FOXP1: variants seen among roughly 807,000 people sequenced by gnomAD.
FOXP1 encodes the protein forkhead box protein P1.
In FOXP1, 15 loss-of-function variants were observed where a neutral mutation model predicts 98.2. That is an observed-to-expected ratio of 0.15 (90% CI 0.10 to 0.24). The LOEUF is 0.24. Ranked by LOEUF, FOXP1 falls within the 10% of genes least tolerant of loss-of-function variation. The probability of loss-of-function intolerance (pLI) is 1.00; values close to 1 mark genes in which losing one functional copy is unlikely to be tolerated. For missense variants in FOXP1, 633 were observed against 848.5 expected, an observed-to-expected ratio of 0.75 and a Z score of 3.15; for synonymous variants, 371 against 314.5, an observed-to-expected ratio of 1.18 and a Z score of -1.90.
intron 6 of FOXP1, among the ~76,000 whole-genome samples, chr3:71,129,357 C>A (rs913425980): frequency 6.6e-6 from 1 of 152,214 alleles, no homozygotes; most frequent in Non-Finnish European, 1.5e-5. Flanking sequence ...CACACATGCA[C>A]ACACACATAC....
intron 2 of FOXP1, among the ~76,000 whole-genome samples, chr3:71,506,528 G>A (rs554120896): frequency 2.6e-5 from 4 of 152,274 alleles, no homozygotes; most frequent in African/African-American, 7.2e-5. Flanking sequence ...CAACTAAGGG[G>A]TTCCACGGTA....
At chr3:71,286,657 T>C (rs1319588512) in intron 5 of FOXP1, among the ~76,000 whole-genome samples, 1 of 151,998 alleles carries the variant, frequency 6.6e-6, no homozygotes, top group African/African-American at 2.4e-5. Flanking sequence ...GCAAATCAAG[T>C]TGGGGAAGTG....
chr3:71,035,015 G>C lies in FOXP1; in HGVS notation c.869+6313C>G, dbSNP rs141563643. ...GAGAAAAGTCCTGTTCTTTCCAAGT[G>C]TCAAAACCTCAGTGATAAACACACA... On this transcript the variant is annotated intron_variant, in intron 11 of 20. Transcript: ENST00000649528. Among the ~76,000 whole-genome samples the C allele has an allele frequency of 3.3e-5, 5 of 152,292 alleles. No homozygotes were observed. The East Asian group carries it at 9.7e-4, about 29-fold the overall frequency.
At position 70,965,961 on chromosome 3, in the gene FOXP1, C is replaced by T; in HGVS notation, c.1818G>A (p.Leu606=). 1 of 1,614,148 alleles carries T rather than the reference C, an allele frequency of 6.2e-7. No homozygotes were observed. The highest frequency in any genetic ancestry group is 8.5e-7 in the Non-Finnish European group (1 of 1,180,018). Residue 606 remains leucine (L), a synonymous_variant, in exon 20 of 21, where the codon CTG becomes CTA. Coordinates refer to ENST00000649528, the MANE Select transcript of FOXP1 (RefSeq NM_001349338.3). ...TGTTGGTATGCTCCATTGCCCCGTT[C>T]AGCTCTTCCCGTATTGCGCTGGCTA... ...GNLASAIREE[L]NGAMEHTNSN...
intron 3 of FOXP1, among the ~76,000 whole-genome samples, chr3:71,426,878 T>C (rs992627847): frequency 6.6e-6 from 1 of 151,994 alleles, no homozygotes; most frequent in African/African-American, 2.4e-5. Flanking sequence ...CTGACCAACA[T>C]GGTGAAACCC....
At chr3:71,463,683 T>A (rs55768568) in intron 3 of FOXP1, among the ~76,000 whole-genome samples, 44,380 of 152,036 alleles carry the variant, frequency 0.29, 7,968 homozygotes, top group Non-Finnish European at 0.41. Context: ...AGGCACTGTT[T>A]AATGAAAGCA....
At chr3:71,460,859 A>G (rs1437090058) in intron 3 of FOXP1, among the ~76,000 whole-genome samples, 5 of 152,210 alleles carry the variant, frequency 3.3e-5, no homozygotes, top group Admixed American at 6.5e-5. Context: ...TTGATTGTAC[A>G]CCGTATCTAG....
chr3:71,283,369 C>T (rs2071768104), intron 5 of FOXP1, among the ~76,000 whole-genome samples: 1 of 152,008 alleles, frequency 6.6e-6, no homozygotes, highest in Non-Finnish European at 1.5e-5. Context: ...AGGCCTGTTC[C>T]AAGGGTCTTA....
At chr3:71,112,940 A>C (rs752370828) in intron 6 of FOXP1, among the ~76,000 whole-genome samples, 1 of 152,144 alleles carries the variant, frequency 6.6e-6, no homozygotes, top group African/African-American at 2.4e-5. Flanking sequence ...CTGAACAAAG[A>C]TGACAGAGAG....
Position 71,021,901 on chromosome 3 carries a change from G to T in FOXP1, c.870-6248C>A, listed in dbSNP as rs988956424. Reference sequence around the variant, plus strand: ...TGCAAATATTTACTCCTGTTTTGTGGGTTATCTTTTTACTTTCTTTACGGT... The same window carrying T: ...TGCAAATATTTACTCCTGTTTTGTGTGTTATCTTTTTACTTTCTTTACGGT... On this transcript the variant is annotated intron_variant, in intron 11 of 20. Coordinates refer to ENST00000649528, the MANE Select transcript of FOXP1 (RefSeq NM_001349338.3). 2.6e-5 allele frequency among the ~76,000 whole-genome samples: 4 copies of T among 152,130 alleles called. No homozygotes were observed. The South Asian group carries it at 6.2e-4, about 24-fold the overall frequency.
intron 20 of FOXP1, among the ~76,000 whole-genome samples, chr3:70,964,247 TACAA>T (rs2034248933): frequency 6.6e-6 from 1 of 152,226 alleles, no homozygotes; most frequent in Non-Finnish European, 1.5e-5. Flanking sequence ...CATCAAAAAT[TACAA>T]AGACTATTGT....
chr3:71,355,314 C>A (rs775528540), intron 4 of FOXP1, among the ~76,000 whole-genome samples: 39 of 152,186 alleles, frequency 2.6e-4, no homozygotes, highest in Admixed American at 7.2e-4. Context: ...CTGAATACGA[C>A]CTACTTCTTG....
chr3:71,455,861 G>A (rs186563892), intron 3 of FOXP1, among the ~76,000 whole-genome samples: 1 of 152,300 alleles, frequency 6.6e-6, no homozygotes, highest in Admixed American at 6.5e-5. Context: ...ATCTCCCATT[G>A]CAGATCTGCG....
chr3:71,224,770 T>G (rs1050581696), intron 5 of FOXP1, among the ~76,000 whole-genome samples: 4 of 152,136 alleles, frequency 2.6e-5, no homozygotes, highest in African/African-American at 9.7e-5. Flanking sequence ...AATTAGAAAA[T>G]AATCACAGAT....
intron 6 of FOXP1, among the ~76,000 whole-genome samples, chr3:71,179,253 C>G (rs888212173): frequency 2.0e-5 from 3 of 151,184 alleles, no homozygotes; most frequent in African/African-American, 7.3e-5. Context: ...CTCAGCCTCC[C>G]GAGTAGCTGG....
intron 3 of FOXP1, among the ~76,000 whole-genome samples, chr3:71,417,300 T>A (rs2083291727): frequency 6.6e-6 from 1 of 152,216 alleles, no homozygotes; most frequent in Non-Finnish European, 1.5e-5. Context: ...CCGGCATCTG[T>A]TTCGCATTGG....
intron 4 of FOXP1, among the ~76,000 whole-genome samples, chr3:71,307,888 A>C (rs1257723365): frequency 6.6e-6 from 1 of 152,240 alleles, no homozygotes; most frequent in Non-Finnish European, 1.5e-5. Context: ...TAGGTATTAG[A>C]TACTGTACCC....
chr3:71,222,661 T>G (rs1174559574), intron 5 of FOXP1, among the ~76,000 whole-genome samples: 1 of 152,188 alleles, frequency 6.6e-6, no homozygotes. Flanking sequence ...TCAGGTTATC[T>G]GCCTGCCTTG....
intron 3 of FOXP1, among the ~76,000 whole-genome samples, chr3:71,481,838 C>T (rs2090300580): frequency 6.6e-6 from 1 of 152,090 alleles, no homozygotes. Context: ...GAATAATGCC[C>T]ACAAACCTTC....
Sources: allele counts gnomAD v4.1 joint callset (sites outside exome capture counted in the v4.1 genomes callset), GRCh38; gene constraint gnomAD v4.1.1; transcripts MANE v1.5; gene names NCBI Gene and HGNC (gene_info 2026-07-23, HGNC 2026-07-21).